The following COL13A1 variants were observed in gnomAD, a reference collection of about 807,000 sequenced individuals.
The protein encoded by COL13A1 is collagen type XIII alpha 1 chain.
In COL13A1, 89 loss-of-function variants were observed where a neutral mutation model predicts 130.9. The ratio of observed to expected loss-of-function variants is 0.68; its 90% CI spans 0.57 to 0.81. The LOEUF (loss-of-function observed/expected upper bound fraction) is 0.81, where lower values mean the gene tolerates loss of function less well. COL13A1 is among the 30% of genes least tolerant of loss of function. The probability of loss-of-function intolerance (pLI) is 0.00; values close to 1 mark genes in which losing one functional copy is unlikely to be tolerated. For synonymous variants in COL13A1, 402 were observed against 341.6 expected (o/e 1.18, Z -1.95); for missense variants, 879 against 934.6 (o/e 0.94, Z 0.78).
chr10:69,890,214 A>G (rs115935881), intron 10 of COL13A1, among the ~76,000 whole-genome samples: 2,092 of 152,178 alleles, frequency 0.014, 50 homozygotes, highest in African/African-American at 0.048. Context: ...CATCCCTTCC[A>G]GAAGGGAATG....
At chr10:69,946,008 T>G (rs1589705304) in intron 37 of COL13A1, among the ~76,000 whole-genome samples, 1 of 150,498 alleles carries the variant, frequency 6.6e-6, no homozygotes, top group Admixed American at 6.7e-5. Context: ...AGGTGGAGGT[T>G]GCAGTGAGCC....
intron 6 of COL13A1, 101 bp from the exon 7 acceptor site, chr10:69,880,402 G>A: frequency 4.0e-6 from 3 of 751,406 alleles, no homozygotes; most frequent in South Asian, 2.9e-5. Flanking sequence ...CCTGCTCCTG[G>A]CCCCCTGCCA....
intron 34 of COL13A1, among the ~76,000 whole-genome samples, chr10:69,940,452 T>C (rs183893648): frequency 1.1e-3 from 173 of 152,302 alleles, no homozygotes; most frequent in African/African-American, 4.1e-3. Context: ...GAACAACTCC[T>C]ACCCAGATTT....
At chr10:69,875,065 G>T (rs1391243988) in intron 4 of COL13A1, 63 bp from the exon 5 acceptor site, 15 of 1,608,430 alleles carry the variant, frequency 9.3e-6, no homozygotes, top group Non-Finnish European at 1.0e-5. Flanking sequence ...TTGCCTATAG[G>T]GTCCTTCACA....
At chr10:69,872,794 GT>G (rs1489622039) in intron 4 of COL13A1, among the ~76,000 whole-genome samples, 1 of 152,168 alleles carries the variant, frequency 6.6e-6, no homozygotes, top group Non-Finnish European at 1.5e-5. Flanking sequence ...CAATACCTCA[GT>G]GAAATGGGTA....
chr10:69,828,656 CAT>C (rs1450788728), intron 2 of COL13A1, among the ~76,000 whole-genome samples: 1 of 152,216 alleles, frequency 6.6e-6, no homozygotes, highest in Non-Finnish European at 1.5e-5. Flanking sequence ...TTCACCCCTC[CAT>C]GTCAGCTACA....
chr10:69,932,497 G>C (rs2066253476), intron 30 of COL13A1, 63 bp from the exon 31 acceptor site: 2 of 1,166,030 alleles, frequency 1.7e-6, no homozygotes, highest in Non-Finnish European at 2.6e-6. Flanking sequence ...CAGATGTGAG[G>C]GTGCGTCTGT....
At chr10:69,811,021 G>A (rs1453079792) in intron 1 of COL13A1, among the ~76,000 whole-genome samples, 1 of 152,194 alleles carries the variant, frequency 6.6e-6, no homozygotes, top group South Asian at 2.1e-4. Flanking sequence ...CTCCCTGCCT[G>A]GCGGCTATTG....
At chr10:69,939,549 C>T (rs2067356834) in intron 34 of COL13A1, among the ~76,000 whole-genome samples, 1 of 152,128 alleles carries the variant, frequency 6.6e-6, no homozygotes, top group Non-Finnish European at 1.5e-5. Flanking sequence ...CAGGTTTCAC[C>T]TGGATGTTTT....
In COL13A1 at chr10:69,887,467, A is replaced by T; in HGVS notation, c.525A>T (p.Gly175=). Reference sequence around the variant, plus strand: ...TTTTTTTTTTTCAGGGTCAACCAGGAACTAGAGGTTTCCCTGGATTTCCGG... The same window carrying T: ...TTTTTTTTTTTCAGGGTCAACCAGGTACTAGAGGTTTCCCTGGATTTCCGG... The part of the protein sequence containing the change: ...IGPRGPPGQP[G]TRGFPGFPGP... The change falls in exon 8 of 41, where the codon GGA becomes GGT. Residue 175 remains glycine (G), a synonymous_variant. Coordinates refer to ENST00000645393, the MANE Select transcript of COL13A1 (RefSeq NM_001368882.1). The T allele has an allele frequency of 1.9e-6, 3 of 1,612,684 alleles. No homozygotes were observed. The highest frequency in any genetic ancestry group is 2.5e-6 in the Non-Finnish European group (3 of 1,179,500).
chr10:69,865,272 A>T (rs1331928172), intron 2 of COL13A1, among the ~76,000 whole-genome samples: 1 of 152,218 alleles, frequency 6.6e-6, no homozygotes, highest in Non-Finnish European at 1.5e-5. Context: ...TAATGGGCAC[A>T]GCCAAGTGGC....
intron 13 of COL13A1, among the ~76,000 whole-genome samples, chr10:69,896,103 G>A (rs2061611529): frequency 6.6e-6 from 1 of 152,128 alleles, no homozygotes; most frequent in Non-Finnish European, 1.5e-5. Context: ...GATAATCGGG[G>A]ACTGACTGCA....
intron 2 of COL13A1, among the ~76,000 whole-genome samples, chr10:69,843,890 A>T (rs1852282994): frequency 6.6e-6 from 1 of 152,198 alleles, no homozygotes; most frequent in Non-Finnish European, 1.5e-5. Context: ...TTATTTATCA[A>T]TACGAAGGTG....
chr10:69,867,059 C>T (rs1371360447), intron 2 of COL13A1, among the ~76,000 whole-genome samples: 2 of 152,158 alleles, frequency 1.3e-5, no homozygotes, highest in African/African-American at 4.8e-5. Flanking sequence ...CCTTTTTTCT[C>T]CCTCTCGGAA....
chr10:69,900,646 A>G (rs967751354), intron 14 of COL13A1, among the ~76,000 whole-genome samples: 4 of 152,220 alleles, frequency 2.6e-5, no homozygotes, highest in Non-Finnish European at 5.9e-5. Flanking sequence ...CCGCTTAAAC[A>G]TTGGGTCTAA....
intron 2 of COL13A1, among the ~76,000 whole-genome samples, chr10:69,823,295 G>A (rs1846594179): frequency 6.6e-6 from 1 of 152,236 alleles, no homozygotes; most frequent in South Asian, 2.1e-4. Flanking sequence ...TTATTGTTAA[G>A]CCATGAGAGT....
At chr10:69,838,709 C>T (rs1180999708) in intron 2 of COL13A1, among the ~76,000 whole-genome samples, 1 of 152,244 alleles carries the variant, frequency 6.6e-6, no homozygotes, top group Non-Finnish European at 1.5e-5. Context: ...ATGCTGCTAC[C>T]TCCACTAAGC....
Position 69,932,002 on chromosome 10 carries a change from A to G in COL13A1, c.1684-558A>G, listed in dbSNP as rs868399836. ...CCAGTTCCTTGCTGGAACAGAACTC[A>G]GCTCCTAGAGGCCACCTACAGTTCC... On this transcript the variant is annotated intron_variant, in intron 30 of 40. Transcript: ENST00000645393. Among the ~76,000 whole-genome samples, 9 of 152,112 alleles carry G rather than the reference A, an allele frequency of 5.9e-5. No homozygotes were observed. In the South Asian group the frequency reaches 6.2e-4, roughly 11 times the overall value.
chr10:69,886,565 A>G (rs918330637), intron 7 of COL13A1, among the ~76,000 whole-genome samples: 1 of 152,164 alleles, frequency 6.6e-6, no homozygotes, highest in Non-Finnish European at 1.5e-5. Flanking sequence ...AAAGGAAACT[A>G]ATATGGTTGA....
Sources: allele counts gnomAD v4.1 joint callset (sites outside exome capture counted in the v4.1 genomes callset), GRCh38; gene constraint gnomAD v4.1.1; transcripts MANE v1.5; gene names NCBI Gene and HGNC (gene_info 2026-07-23, HGNC 2026-07-21).